The following CLSTN2 variants were observed in gnomAD, a reference collection of about 807,000 sequenced individuals.
The protein encoded by CLSTN2 is calsyntenin 2.
Under a neutral mutation model 101.2 loss-of-function variants are expected in CLSTN2, and 48 were observed. The observed-to-expected ratio is 0.47, with a 90% CI of 0.38 to 0.60. CLSTN2 has a LOEUF of 0.60. Among genes scored for constraint, CLSTN2 ranks in the 20% least tolerant of loss-of-function variants. The pLI, the probability that CLSTN2 is intolerant of heterozygous loss-of-function variation, is 0.00. For missense variants in CLSTN2, 1,160 were observed against 1,238.2 expected (o/e 0.94, Z 0.95); for synonymous variants, 481 against 463.6 (o/e 1.04, Z -0.48).
intron 2 of CLSTN2, among the ~76,000 whole-genome samples, chr3:140,185,702 G>A (rs974258733): frequency 6.6e-6 from 1 of 151,954 alleles, no homozygotes. Context: ...ATGGTGGGGG[G>A]CACGTGGGGA....
intron 8 of CLSTN2, among the ~76,000 whole-genome samples, chr3:140,475,279 G>A (rs1300958642): frequency 6.6e-6 from 1 of 152,198 alleles, no homozygotes; most frequent in African/African-American, 2.4e-5. Flanking sequence ...GCAGATCAGT[G>A]TTGCCCAATG....
At position 140,186,715 on chromosome 3, in the gene CLSTN2, A is replaced by G. The variant is rs112756669; in HGVS notation, c.232+10642A>G. Among the ~76,000 whole-genome samples, 718 of 152,292 alleles carry G rather than the reference A, an allele frequency of 4.7e-3. 5 individuals are homozygous for G. Among genetic ancestry groups the G allele is most frequent in the African/African-American group, 0.017 (694 of 41,556 alleles). ...TTAAGCCAAGTTCAATATGATCTACAAACTTTAAAAATTATTATTTATCTA... is the reference window on the plus strand; with the variant it reads ...TTAAGCCAAGTTCAATATGATCTACGAACTTTAAAAATTATTATTTATCTA... On this transcript the variant is annotated intron_variant, in intron 2 of 16. Coordinates refer to ENST00000458420, the MANE Select transcript of CLSTN2 (RefSeq NM_022131.3).
At chr3:140,289,540 C>T (rs2086929777) in intron 2 of CLSTN2, among the ~76,000 whole-genome samples, 1 of 152,144 alleles carries the variant, frequency 6.6e-6, no homozygotes. Context: ...CCATCTGTGG[C>T]ACAGCATTAA....
intron 9 of CLSTN2, among the ~76,000 whole-genome samples, chr3:140,537,543 C>A: frequency 6.6e-6 from 1 of 152,284 alleles, no homozygotes; most frequent in Non-Finnish European, 1.5e-5. Flanking sequence ...CTAATGCACA[C>A]CCCCTTGCTA....
intron 4 of CLSTN2, among the ~76,000 whole-genome samples, chr3:140,407,487 T>C (rs563236614): frequency 2.0e-5 from 3 of 152,294 alleles, no homozygotes; most frequent in Admixed American, 2.0e-4. Context: ...AATTATGGCA[T>C]TATCAGTCCT....
intron 1 of CLSTN2, among the ~76,000 whole-genome samples, chr3:139,953,931 T>TTGTGTGTGTGTGTGTGTGTGTGTGTGTG (rs145225696): frequency 2.7e-5 from 4 of 147,392 alleles, no homozygotes; most frequent in Non-Finnish European, 4.5e-5. Flanking sequence ...GTGTGTGTGT[T>TTGTGTGTGTGTGTGTGTGTGTGTGTGTG]TGTGTGTGTG....
chr3:140,352,123 T>C (rs2087614783), intron 2 of CLSTN2, among the ~76,000 whole-genome samples: 3 of 152,156 alleles, frequency 2.0e-5, no homozygotes, highest in Non-Finnish European at 2.9e-5. Flanking sequence ...CTAAAGATAA[T>C]AGTTGGATCT....
At chr3:140,484,215 A>T (rs903640497) in intron 8 of CLSTN2, among the ~76,000 whole-genome samples, 1 of 152,096 alleles carries the variant, frequency 6.6e-6, no homozygotes, top group African/African-American at 2.4e-5. Flanking sequence ...TTTCTCCTTC[A>T]CTGATGAAGC....
At chr3:140,213,601 T>C (rs1333219694) in intron 2 of CLSTN2, among the ~76,000 whole-genome samples, 1 of 152,192 alleles carries the variant, frequency 6.6e-6, no homozygotes, top group Non-Finnish European at 1.5e-5. Flanking sequence ...AATGCTGTGC[T>C]GAGGAGTAGC....
rs764984572 is a variant in CLSTN2, at chr3:140,567,073, C to CACAACAAGGACAGTCACAACAAGG, written c.*833_*856dup. The stretch of plus-strand genomic sequence containing the variant: ...CCACACAGGCACTGCCCCAGGACAA[C>CACAACAAGGACAGTCACAACAAGG]ACAACAAGGACAGTCACAACAAGGA... On this transcript the variant is annotated 3_prime_UTR_variant, in exon 17 of 17. Transcript: ENST00000458420. 8.1e-3 allele frequency: 1,240 copies of CACAACAAGGACAGTCACAACAAGG among 153,070 alleles called. 8 individuals are homozygous for CACAACAAGGACAGTCACAACAAGG. The highest frequency in any genetic ancestry group is 0.014 in the Admixed American group (207 of 15,310). The allele number at this position is 153,070 out of a possible 1,614,324, so 9.5% of individuals were successfully genotyped here.
In CLSTN2 at chr3:139,935,279, C is replaced by A; in HGVS notation, c.-96C>A. The A allele has an allele frequency of 3.4e-6, 2 of 586,810 alleles. No homozygotes were observed. The highest frequency in any genetic ancestry group is 4.9e-6 in the Non-Finnish European group (2 of 406,092). 36.4% of individuals were successfully genotyped at this position (586,810 alleles called of 1,614,324 possible). A position where few individuals can be genotyped will look rare whatever the true frequency, so the allele number is the denominator to read the frequency against. The stretch of plus-strand genomic sequence containing the variant: ...CAGCGCTAGAAGCGCACCCATCGGG[C>A]ACGGCGAGGCGGCCCACGGTGCGGC... On this transcript the variant is annotated 5_prime_UTR_variant, in exon 1 of 17. Transcript: ENST00000458420. The surrounding 1 kb of genome is among the most constrained non-coding windows in gnomAD (Gnocchi z 5.5).
At chr3:140,393,609 T>C (rs2088145504) in intron 2 of CLSTN2, among the ~76,000 whole-genome samples, 2 of 152,190 alleles carry the variant, frequency 1.3e-5, no homozygotes, top group Admixed American at 6.5e-5. Context: ...ATGGGACTTC[T>C]TTAACTCTCC....
chr3:140,272,167 A>G (rs897304788), intron 2 of CLSTN2, among the ~76,000 whole-genome samples: 1 of 152,204 alleles, frequency 6.6e-6, no homozygotes, highest in African/African-American at 2.4e-5. Context: ...AGATTCCTAG[A>G]AGATCATGTA....
At chr3:140,279,468 T>C (rs1171815023) in intron 2 of CLSTN2, among the ~76,000 whole-genome samples, 1 of 152,136 alleles carries the variant, frequency 6.6e-6, no homozygotes, top group Non-Finnish European at 1.5e-5. Flanking sequence ...AGGAGATAAA[T>C]GGAGGAGGAA....
At chr3:140,385,357 CTTTTTTTTTTT>C (rs546696189) in intron 2 of CLSTN2, among the ~76,000 whole-genome samples, 1 of 72,838 alleles carries the variant, frequency 1.4e-5, no homozygotes, top group Non-Finnish European at 2.3e-5. Flanking sequence ...CCCTGATGTT[CTTTTTTTTTTT>C]TTTTTTTTTT....
chr3:140,109,621 A>G (rs895341391), intron 1 of CLSTN2, among the ~76,000 whole-genome samples: 4 of 152,166 alleles, frequency 2.6e-5, no homozygotes, highest in Non-Finnish European at 5.9e-5. Flanking sequence ...TCTGTGCTCT[A>G]TGAAAGCACT....
Position 140,541,150 on chromosome 3 carries a change from G to A in CLSTN2, c.1508-5365G>A, listed in dbSNP as rs140154932. On this transcript the variant is annotated intron_variant, in intron 9 of 16. Transcript: ENST00000458420. ...CAAGCCACATCTCATTGTCTGGCAT[G>A]TAGGCCAAAGGCTTGGAAGCAAGCT... Among the ~76,000 whole-genome samples the A allele has an allele frequency of 5.6e-4, 86 of 152,284 alleles. No individual in the cohort carries two copies. The East Asian group carries it at 0.015, about 27-fold the overall frequency.
chr3:140,428,533 T>C (rs2088596670), intron 5 of CLSTN2, among the ~76,000 whole-genome samples: 1 of 152,116 alleles, frequency 6.6e-6, no homozygotes, highest in African/African-American at 2.4e-5. Context: ...CTCCCCAGAC[T>C]GAAGAATCAG....
chr3:140,411,277 A>G (rs994021737), intron 4 of CLSTN2, among the ~76,000 whole-genome samples: 11 of 152,256 alleles, frequency 7.2e-5, no homozygotes, highest in African/African-American at 2.2e-4. Context: ...GGGTAGCTAT[A>G]CTTATATCAA....
Sources: gnomAD v4.1 joint callset for allele counts (sites outside exome capture counted in the v4.1 genomes callset) on GRCh38, gnomAD v4.1.1 for gene constraint, Gnocchi (gnomAD v3.1) non-coding constraint, MANE v1.5 for transcripts, NCBI Gene and HGNC (gene_info 2026-07-23, HGNC 2026-07-21) for gene names.